Variants in CANX observed in about 807,000 individuals in gnomAD.
The protein encoded by CANX is epididymis secretory sperm binding protein.
A neutral mutation model predicts 75.7 loss-of-function variants in CANX; 14 were observed. That is an observed-to-expected ratio of 0.19 (90% CI 0.12 to 0.29). CANX has a LOEUF of 0.29. Ranked by LOEUF, CANX falls within the 10% of genes least tolerant of loss-of-function variation. The pLI is 1.00. For synonymous variants in CANX, 227 were observed against 236.9 expected, an observed-to-expected ratio of 0.96 and a Z score of 0.38; for missense variants, 567 against 713.2, an observed-to-expected ratio of 0.79 and a Z score of 2.34.
At chr5:179,688,953 A>G (rs1179118193) in intron 1 of CANX, among the ~76,000 whole-genome samples, 2 of 150,706 alleles carry the variant, frequency 1.3e-5, no homozygotes, top group African/African-American at 2.4e-5. Flanking sequence ...TATCTCAAAA[A>G]AACAACAGAA....
At chr5:179,697,054 G>A (rs1776422193), upstream of CANX, among the ~76,000 whole-genome samples, 1 of 152,108 alleles carries the variant, frequency 6.6e-6, no homozygotes, top group South Asian at 2.1e-4. Context: ...ACATCTGTTT[G>A]TTTTTATTAT....
chr5:179,724,121 T>A (rs1301954988), intron 12 of CANX, among the ~76,000 whole-genome samples: 9 of 152,238 alleles, frequency 5.9e-5, no homozygotes, highest in Admixed American at 5.9e-4. Context: ...TAGCTATTTC[T>A]ATTCTTTGTA....
In CANX at chr5:179,688,095, G is replaced by C. The variant is rs2113041542; in HGVS notation, c.-4+9318G>C. Among the ~76,000 whole-genome samples, 3 of 146,410 alleles carry C rather than the reference G, an allele frequency of 2.0e-5. No homozygotes were observed. The South Asian group carries it at 6.5e-4, about 32-fold the overall frequency. On this transcript the variant is annotated intron_variant, in intron 1 of 14. Coordinates refer to the CANX transcript ENST00000681674. ...TTTTTTTAAGATGGAGTGTCGCTCT[G>C]TTGCCAGGCTGGAGTGCAGTGGCAC...
At chr5:179,701,799 G>A (rs887035660) in intron 1 of CANX, among the ~76,000 whole-genome samples, 13 of 118,666 alleles carry the variant, frequency 1.1e-4, no homozygotes, top group Non-Finnish European at 1.5e-4. Context: ...GAGTACAGTG[G>A]TGTGATCTTG....
At chr5:179,719,807 A>C (rs1191252582) in intron 9 of CANX, 26 bp downstream of exon 9, 4 of 1,263,328 alleles carry the variant, frequency 3.2e-6, no homozygotes, top group African/African-American at 1.5e-5. Context: ...AACTTTTTTT[A>C]ATTACCTGGT....
At chr5:179,722,736 G>T in intron 10 of CANX, 68 bp from the exon 11 acceptor site, 2 of 1,063,604 alleles carry the variant, frequency 1.9e-6, no homozygotes, top group East Asian at 2.5e-5. Context: ...TTTCTCTTAC[G>T]GTAGATTCAC....
Position 179,716,246 on chromosome 5 carries a change from A to T in CANX, c.863A>T (p.Asp288Val). 1 of 1,614,210 alleles carries T rather than the reference A, an allele frequency of 6.2e-7. No individual in the cohort carries two copies. The highest frequency in any genetic ancestry group is 1.1e-5 in the South Asian group (1 of 91,086). Residue 288 changes from aspartate to valine, a missense_variant, in exon 8 of 15, where the codon GAT becomes GTT. Coordinates refer to ENST00000247461, the MANE Select transcript of CANX (RefSeq NM_001746.4). Reference sequence around the variant, plus strand: ...GAAGACCGGAAGCCCGAGGATTGGGATGAAAGACCAAAAATCCCAGATCCA... The same window carrying T: ...GAAGACCGGAAGCCCGAGGATTGGGTTGAAAGACCAAAAATCCCAGATCCA... ...DPEDRKPEDW[D>V]ERPKIPDPEA...
At chr5:179,679,561 A>G (rs1287300727) in intron 1 of CANX, among the ~76,000 whole-genome samples, 2 of 152,188 alleles carry the variant, frequency 1.3e-5, no homozygotes, top group African/African-American at 4.8e-5. Context: ...TAGCAAGACA[A>G]GTAAGTAGGT....
intron 7 of CANX, among the ~76,000 whole-genome samples, chr5:179,711,393 G>A (rs1777541998): frequency 6.6e-6 from 1 of 151,998 alleles, no homozygotes; most frequent in African/African-American, 2.4e-5. Context: ...CTGCACTGTA[G>A]CCTGGGTGAC....
intron 5 of CANX, among the ~76,000 whole-genome samples, chr5:179,708,666 A>G (rs531768590): frequency 3.3e-5 from 5 of 151,408 alleles, no homozygotes; most frequent in Non-Finnish European, 7.4e-5. Context: ...TTACAAAACT[A>G]GTAATTAATA....
chr5:179,722,872 T>A lies in CANX; in HGVS notation c.1251T>A (p.Thr417=). Residue 417 remains threonine (T), a synonymous_variant, in exon 11 of 15, where the codon ACT becomes ACA. Coordinates refer to ENST00000247461, the MANE Select transcript of CANX (RefSeq NM_001746.4). ...FFEDLEPFRM[T]PFSAIGLELW... ...AAGATCTGGAACCTTTCAGAATGAC[T>A]CCTTTTAGTGCTATTGGTTTGGAGC... The A allele has an allele frequency of 6.2e-7, 1 of 1,613,872 alleles. No homozygotes were observed. The highest frequency in any genetic ancestry group is 8.5e-7 in the Non-Finnish European group (1 of 1,179,784).
chr5:179,723,487 A>C (rs1333447034), intron 11 of CANX, 173 bp from the exon 12 acceptor site: 1 of 598,658 alleles, frequency 1.7e-6, no homozygotes, highest in South Asian at 2.6e-5. Flanking sequence ...GATTATAAGG[A>C]GAGCAAGAGG....
At chr5:179,714,970 GGCC>G (rs753782406) in intron 7 of CANX, among the ~76,000 whole-genome samples, 8 of 151,658 alleles carry the variant, frequency 5.3e-5, no homozygotes, top group South Asian at 4.2e-4. Flanking sequence ...TCACCATGTT[GGCC>G]AGGCTGGTCT....
chr5:179,700,421 C>T (rs550644365), intron 1 of CANX: 3 of 152,222 alleles, frequency 2.0e-5, no homozygotes, highest in Non-Finnish European at 2.9e-5. Context: ...TGAATAGAAG[C>T]AACTGCCATA....
intron 8 of CANX, among the ~76,000 whole-genome samples, chr5:179,717,046 A>AT (rs1328901683): frequency 6.6e-6 from 1 of 152,148 alleles, no homozygotes; most frequent in Non-Finnish European, 1.5e-5. Flanking sequence ...AGAAATGAAG[A>AT]TAGCTGGGGC....
upstream of CANX, among the ~76,000 whole-genome samples, chr5:179,693,661 A>C (rs745853568): frequency 6.6e-6 from 1 of 151,730 alleles, no homozygotes; most frequent in Non-Finnish European, 1.5e-5. Context: ...AACAGTGAGA[A>C]TCTGTCTCAA....
Position 179,726,673 on chromosome 5 carries a change from G to A in CANX, c.1646-7G>A, listed in dbSNP as rs188146126. ...GGTTTTGCTCAGTTGTTTAACTTCT[G>A]TCTTAGAAGAGAAACAGAAAAGTGA... On this transcript the variant is annotated splice_region_variant and splice_polypyrimidine_tract_variant and intron_variant, in intron 13 of 14. Coordinates refer to ENST00000247461, the MANE Select transcript of CANX (RefSeq NM_001746.4). 247 of 1,604,494 alleles carry A rather than the reference G, an allele frequency of 1.5e-4. No homozygotes were observed. The African/African-American group carries it at 3.0e-3, about 20-fold the overall frequency.
chr5:179,725,106 T>C (rs1778562004), intron 13 of CANX, among the ~76,000 whole-genome samples: 1 of 152,200 alleles, frequency 6.6e-6, no homozygotes, highest in Non-Finnish European at 1.5e-5. Flanking sequence ...CACTGCAGCC[T>C]TGACCTTATA....
chr5:179,695,540 G>A (rs1282070227), upstream of CANX, among the ~76,000 whole-genome samples: 1 of 150,876 alleles, frequency 6.6e-6, no homozygotes, highest in Non-Finnish European at 1.5e-5. Context: ...TGTTGGTCAG[G>A]TTGGTCTCGA....
Sources: allele counts gnomAD v4.1 joint callset (sites outside exome capture counted in the v4.1 genomes callset), GRCh38; gene constraint gnomAD v4.1.1; transcripts MANE v1.5; gene names NCBI Gene and HGNC (gene_info 2026-07-23, HGNC 2026-07-21).